SEMA5A: variants seen among roughly 807,000 people sequenced by gnomAD.
The protein encoded by SEMA5A is semaphorin 5A.
SEMA5A carries 55 observed loss-of-function variants against 135.5 expected under a neutral mutation model. The ratio of observed to expected loss-of-function variants is 0.41; its 90% CI spans 0.33 to 0.51. The LOEUF (loss-of-function observed/expected upper bound fraction) is 0.51, where lower values mean the gene tolerates loss of function less well. Ranked by LOEUF, SEMA5A falls within the 20% of genes least tolerant of loss-of-function variation. The pLI, the probability that SEMA5A is intolerant of heterozygous loss-of-function variation, is 0.37. For synonymous variants in SEMA5A, 580 were observed against 546.5 expected (o/e 1.06, Z -0.85); for missense variants, 1,290 against 1,419.9 (o/e 0.91, Z 1.47).
intron 1 of SEMA5A, among the ~76,000 whole-genome samples, chr5:9,460,354 G>A (rs1003408990): frequency 1.3e-5 from 2 of 151,950 alleles, no homozygotes; most frequent in Non-Finnish European, 2.9e-5. Flanking sequence ...GAACAAAACA[G>A]TTTTAACAAA....
rs528855233 is a variant in SEMA5A at position 9,341,165 on chromosome 5, C to CA, written c.125-3354dup. On this transcript the variant is annotated intron_variant, in intron 3 of 22. Coordinates refer to ENST00000382496, the MANE Select transcript of SEMA5A (RefSeq NM_003966.3). ...TTCCAAGTACAATATAGCAATATATCAAAAAAAAAATCACACACATACAAA... is the reference window on the plus strand; with the variant it reads ...TTCCAAGTACAATATAGCAATATATCAAAAAAAAAAATCACACACATACAAA... Among the ~76,000 whole-genome samples, 627 of 148,130 alleles carry CA rather than the reference C, an allele frequency of 4.2e-3. 3 individuals carry two copies. Among genetic ancestry groups the CA allele is most frequent in the African/African-American group, 0.013 (518 of 40,406 alleles).
intron 3 of SEMA5A, among the ~76,000 whole-genome samples, chr5:9,348,552 A>G (rs1418626560): frequency 6.6e-6 from 1 of 152,160 alleles, no homozygotes; most frequent in African/African-American, 2.4e-5. Flanking sequence ...AAGGGTTTTC[A>G]TTTTGACTCC....
intron 16 of SEMA5A, among the ~76,000 whole-genome samples, chr5:9,094,342 A>T (rs940271576): frequency 6.6e-6 from 1 of 152,238 alleles, no homozygotes; most frequent in Non-Finnish European, 1.5e-5. Flanking sequence ...GTGAGATCAC[A>T]CCAAGCATTA....
At chr5:9,122,980 G>A (rs796685472) in intron 13 of SEMA5A, 143 bp from the exon 14 acceptor site, 2 of 742,922 alleles carry the variant, frequency 2.7e-6, no homozygotes, top group African/African-American at 1.8e-5. Flanking sequence ...AAAGGGCCAG[G>A]CGCGGTGGTT....
At position 9,122,512 on chromosome 5, in the gene SEMA5A, A is replaced by C. The variant is rs1412542225; in HGVS notation, c.1781+144T>G. The C allele has an allele frequency of 1.5e-5, 12 of 795,676 alleles. 1 individual carries two copies. Among genetic ancestry groups the C allele is most frequent in the Middle Eastern group, 8.3e-4 (2 of 2,412 alleles). 49.3% of individuals were successfully genotyped at this position (795,676 alleles called of 1,614,324 possible). On this transcript the variant is annotated intron_variant, in intron 14 of 22. Transcript: ENST00000382496. ...AGTTTAAAATCTCCTTGCAAAAATC[A>C]TGTAAGTTTTAAATGGTGAATGTCC...
intron 5 of SEMA5A, among the ~76,000 whole-genome samples, chr5:9,309,436 T>G (rs1752021923): frequency 6.6e-6 from 1 of 152,122 alleles, no homozygotes; most frequent in Non-Finnish European, 1.5e-5. Context: ...TGCCTTGTGA[T>G]TTCTTGAAGT....
chr5:9,069,200 A>G (rs1231389922), intron 16 of SEMA5A, among the ~76,000 whole-genome samples: 1 of 152,242 alleles, frequency 6.6e-6, no homozygotes, highest in Non-Finnish European at 1.5e-5. Context: ...CATTCTTGCC[A>G]TCTGGGAATG....
In SEMA5A at chr5:9,371,775, C is replaced by G. The variant is rs190233823; in HGVS notation, c.124+8048G>C. Among the ~76,000 whole-genome samples, 3 of 152,234 alleles carry G rather than the reference C, an allele frequency of 2.0e-5. No individual in the cohort carries two copies. In the East Asian group the frequency reaches 5.8e-4, roughly 29 times the overall value. On this transcript the variant is annotated intron_variant, in intron 3 of 22. Coordinates refer to ENST00000382496, the MANE Select transcript of SEMA5A (RefSeq NM_003966.3). ...TTAAGGATCCATAACAGCACGTTTC[C>G]TCCCCAAGTAAACTCTTAAGAGGAT...
intron 5 of SEMA5A, among the ~76,000 whole-genome samples, chr5:9,251,603 T>C (rs575005452): frequency 2.0e-5 from 3 of 152,292 alleles, no homozygotes; most frequent in Non-Finnish European, 4.4e-5. Context: ...AGAACCAATA[T>C]GTAAATGTAT....
intron 8 of SEMA5A, among the ~76,000 whole-genome samples, chr5:9,217,264 T>C (rs13361417): frequency 0.035 from 5,276 of 152,276 alleles, 340 homozygotes; most frequent in African/African-American, 0.12. Context: ...GATATGAAAT[T>C]CTTGGTTGAA....
At chr5:9,330,480 A>T (rs918477288) in intron 4 of SEMA5A, among the ~76,000 whole-genome samples, 8 of 152,090 alleles carry the variant, frequency 5.3e-5, no homozygotes, top group Admixed American at 6.6e-5. Flanking sequence ...GAAGGAACAG[A>T]ATGGTTAGAA....
intron 5 of SEMA5A, among the ~76,000 whole-genome samples, chr5:9,311,203 C>T (rs995271268): frequency 1.1e-4 from 16 of 151,906 alleles, no homozygotes; most frequent in South Asian, 2.1e-4. Flanking sequence ...GGTCTCTACA[C>T]GCTAGATGCC....
Position 9,455,260 on chromosome 5 carries a change from T to TA in SEMA5A, c.-174-17409_-174-17408insT, listed in dbSNP as rs200285456. 4.2e-3 allele frequency among the ~76,000 whole-genome samples: 597 copies of TA among 142,182 alleles called. 13 individuals are homozygous for TA. In the East Asian group the frequency reaches 0.043, roughly 10 times the overall value. The allele number at this position is 142,182 out of a possible 152,430, so 93.3% of individuals were successfully genotyped here. A position where few individuals can be genotyped will look rare whatever the true frequency, so the allele number is the denominator to read the frequency against. On this transcript the variant is annotated intron_variant, in intron 1 of 22. Transcript: ENST00000382496. ...TTTTATTTTATTTTATTTATTTATT[T>TA]TTTTTTTTTTTTTGAGACAGAATCT...
chr5:9,507,142 T>A (rs1397997145), intron 1 of SEMA5A, among the ~76,000 whole-genome samples: 3 of 152,234 alleles, frequency 2.0e-5, no homozygotes, highest in Non-Finnish European at 4.4e-5. Flanking sequence ...GGTTTAATCA[T>A]GTTTTCTCAC....
intron 15 of SEMA5A, among the ~76,000 whole-genome samples, chr5:9,112,036 T>C (rs990132315): frequency 2.0e-4 from 30 of 152,230 alleles, no homozygotes; most frequent in African/African-American, 6.5e-4. Flanking sequence ...TGCAGACTTT[T>C]AGCAAAGAAT....
At chr5:9,337,950 C>A in intron 3 of SEMA5A, 138 bp from the exon 4 acceptor site, 2 of 583,722 alleles carry the variant, frequency 3.4e-6, no homozygotes, top group Non-Finnish European at 2.9e-6. Context: ...CTTTCAGAGG[C>A]CACTGGAGGT....
intron 14 of SEMA5A, 105 bp from the exon 15 acceptor site, chr5:9,119,246 T>C: frequency 7.2e-7 from 1 of 1,388,526 alleles, no homozygotes. Context: ...GGATCACGCT[T>C]GGGGCTGCTC....
chr5:9,428,236 T>C (rs1757738732), intron 2 of SEMA5A, among the ~76,000 whole-genome samples: 2 of 151,940 alleles, frequency 1.3e-5, no homozygotes. Context: ...TAAACATTAG[T>C]GCTGTCCTCT....
At position 9,197,780 on chromosome 5, in the gene SEMA5A, G is replaced by GTGTGTGTGTGTGTGTGTGTGTGTA. The variant is rs1402121195; in HGVS notation, c.933-478_933-477insTACACACACACACACACACACACA. Among the ~76,000 whole-genome samples the GTGTGTGTGTGTGTGTGTGTGTGTA allele has an allele frequency of 9.7e-3, 1,012 of 103,954 alleles. 88 individuals are homozygous for GTGTGTGTGTGTGTGTGTGTGTGTA. Among genetic ancestry groups the GTGTGTGTGTGTGTGTGTGTGTGTA allele is most frequent in the Middle Eastern group, 0.014 (3 of 216 alleles). 68.2% of individuals were successfully genotyped at this position (103,954 alleles called of 152,430 possible). On this transcript the variant is annotated intron_variant, in intron 9 of 22. Transcript: ENST00000382496. ...TGTGTGTGTGTGTGTGTGTGTGTGT[G>GTGTGTGTGTGTGTGTGTGTGTGTA]TGTGTTTTAACCCAGATATTTGTTT...
Sources: allele counts gnomAD v4.1 joint callset (sites outside exome capture counted in the v4.1 genomes callset), GRCh38; gene constraint gnomAD v4.1.1; transcripts MANE v1.5; gene names NCBI Gene and HGNC (gene_info 2026-07-23, HGNC 2026-07-21).